The following KDM3A variants were observed in gnomAD, a reference collection of about 807,000 sequenced individuals.
KDM3A encodes the protein lysine-specific demethylase 3A.
A neutral mutation model predicts 158.0 loss-of-function variants in KDM3A; 60 were observed. The observed-to-expected ratio is 0.38, with a 90% CI of 0.31 to 0.47. The LOEUF (loss-of-function observed/expected upper bound fraction) is 0.47, where lower values mean the gene tolerates loss of function less well. Ranked by LOEUF, KDM3A falls within the 20% of genes least tolerant of loss-of-function variation. The pLI, the probability that KDM3A is intolerant of heterozygous loss-of-function variation, is 0.99. For missense variants in KDM3A, 1,319 were observed against 1,574.3 expected (o/e 0.84, Z 2.74); for synonymous variants, 608 against 549.3 (o/e 1.11, Z -1.49).
chr2:86,460,679 C>T (rs1402175651), intron 8 of KDM3A: 1 of 152,192 alleles, frequency 6.6e-6, no homozygotes, highest in Non-Finnish European at 1.5e-5. Flanking sequence ...ACGACGTTGC[C>T]TGGTTAGTTG....
chr2:86,442,147 G>C lies in KDM3A; in HGVS notation c.100G>C (p.Asp34His), dbSNP rs777736062. Residue 34 changes from aspartate (D) to histidine (H), a missense_variant, in exon 2 of 26, where the codon GAC becomes CAC. Around this residue, in one of 4 missense-constraint regions of KDM3A, gnomAD observed 652 missense variants for 627.2 expected, o/e 1.04. Coordinates refer to ENST00000312912, the MANE Select transcript of KDM3A (RefSeq NM_018433.6). ...DGSDGSHDSWDVERVAEWPWL... is the reference protein window; with the variant it reads ...DGSDGSHDSWHVERVAEWPWL... ...CAGCGATGGCAGCCACGACAGCTGG[G>C]ACGTGGAGCGCGTCGCCGAGTGGCC... 1.2e-6 allele frequency: 2 copies of C among 1,614,036 alleles called. No individual in the cohort carries two copies. Among genetic ancestry groups the C allele is most frequent in the African/African-American group, 2.7e-5 (2 of 74,944 alleles).
chr2:86,450,466 A>G (rs950940738), intron 3 of KDM3A, among the ~76,000 whole-genome samples: 2 of 152,152 alleles, frequency 1.3e-5, no homozygotes, highest in African/African-American at 4.8e-5. Flanking sequence ...CTGGATTATT[A>G]TATTTTTTGG....
upstream of KDM3A, among the ~76,000 whole-genome samples, chr2:86,437,723 T>G (rs1682514010): frequency 6.6e-6 from 1 of 152,204 alleles, no homozygotes; most frequent in African/African-American, 2.4e-5. Flanking sequence ...TAGGTTGTGT[T>G]CATTTCATGT....
intron 10 of KDM3A, 57 bp downstream of exon 10, chr2:86,466,940 T>C: frequency 1.5e-6 from 2 of 1,330,636 alleles, no homozygotes; most frequent in Non-Finnish European, 2.0e-6. Flanking sequence ...GATATATATA[T>C]CTCTTTCTTG....
At chr2:86,442,927 G>GA (rs1682797069) in intron 2 of KDM3A, among the ~76,000 whole-genome samples, 1 of 152,096 alleles carries the variant, frequency 6.6e-6, no homozygotes, top group African/African-American at 2.4e-5. Context: ...AGAGAATTGG[G>GA]AACAAGTGCG....
chr2:86,443,594 G>A lies in KDM3A; in HGVS notation c.186+1361G>A, dbSNP rs551526505. The A allele has an allele frequency of 2.0e-5, 3 of 152,258 alleles. No homozygotes were observed. The East Asian group carries it at 5.8e-4, about 29-fold the overall frequency. 9.4% of individuals were successfully genotyped at this position (152,258 alleles called of 1,614,324 possible). ...AACTACTGTGCCTGAGGGACGTTAA[G>A]CATCTTGCCAAGGACACATACGTAG... On this transcript the variant is annotated intron_variant, in intron 2 of 25. Transcript: ENST00000312912.
intron 16 of KDM3A, 74 bp downstream of exon 16, chr2:86,480,436 G>T: frequency 7.8e-7 from 1 of 1,280,426 alleles, no homozygotes; most frequent in Non-Finnish European, 1.1e-6. Context: ...GAGAACAGTG[G>T]TTAGAAGTCG....
intron 1 of KDM3A, among the ~76,000 whole-genome samples, chr2:86,441,731 T>C (rs1682717363): frequency 2.0e-5 from 3 of 150,896 alleles, no homozygotes; most frequent in Admixed American, 2.0e-4. Context: ...CACTTTCAAA[T>C]CCACTCGAGC....
At chr2:86,482,435 CTT>C (rs762169079) in intron 17 of KDM3A, 21 bp from the exon 18 acceptor site, 5 of 1,609,422 alleles carry the variant, frequency 3.1e-6, no homozygotes, top group African/African-American at 1.3e-5. Flanking sequence ...ATATTTGAGA[CTT>C]TTGTTCTTTC....
At chr2:86,448,301 G>T (rs1442597573) in intron 2 of KDM3A, among the ~76,000 whole-genome samples, 3 of 152,090 alleles carry the variant, frequency 2.0e-5, no homozygotes, top group Non-Finnish European at 4.4e-5. Flanking sequence ...TGGGATTGGG[G>T]CTAATGTGGG....
upstream of KDM3A, chr2:86,441,047 C>T (rs1682672763): frequency 6.6e-6 from 1 of 152,346 alleles, no homozygotes; most frequent in Non-Finnish European, 1.5e-5. Flanking sequence ...AGTTGATAAC[C>T]GATTTCGCGG....
At chr2:86,475,408 G>T (rs1673619075) in intron 12 of KDM3A, among the ~76,000 whole-genome samples, 1 of 152,222 alleles carries the variant, frequency 6.6e-6, no homozygotes, top group African/African-American at 2.4e-5. Context: ...CTGGGTCCCA[G>T]ACTTGAGAAT....
chr2:86,474,701 T>TTGTG (rs369518183), intron 11 of KDM3A, 75 bp from the exon 12 acceptor site: 74,849 of 420,188 alleles, frequency 0.18, 4,410 homozygotes, highest in African/African-American at 0.22. Flanking sequence ...TGTAAATAAG[T>TTGTG]TGTGTGTGTG....
At position 86,489,645 on chromosome 2, in the gene KDM3A, G is replaced by C; in HGVS notation, c.3559G>C (p.Glu1187Gln). The C allele has an allele frequency of 6.2e-7, 1 of 1,610,528 alleles. No individual in the cohort carries two copies. The highest frequency in any genetic ancestry group is 8.5e-7 in the Non-Finnish European group (1 of 1,178,874). The change falls in exon 23 of 26, where the codon GAA (glutamate) becomes CAA (glutamine). Residue 1187 changes from glutamate (E) to glutamine (Q), a missense_variant. Physicochemically the swap from Glu to Gln is conservative, Grantham distance 29. This residue lies in a region of KDM3A where 186 missense variants were observed against 340.9 expected (regional missense o/e 0.55). Transcript: ENST00000312912. ...TGCAAAGGACACGGAGAAGATAAGG[G>C]AATTTCTTAAAAAGGTGTGCTGCTT... is the stretch of plus-strand genomic sequence containing the variant. Reference protein sequence around the residue: ...YAAKDTEKIREFLKKVSEEQG... With the variant: ...YAAKDTEKIRQFLKKVSEEQG...
At chr2:86,439,307 C>T (rs1462006286), upstream of KDM3A, among the ~76,000 whole-genome samples, 1 of 151,910 alleles carries the variant, frequency 6.6e-6, no homozygotes, top group Non-Finnish European at 1.5e-5. Flanking sequence ...ATTCATATAA[C>T]ACTAATTAAT....
chr2:86,463,274 G>A (rs903404062), intron 8 of KDM3A, among the ~76,000 whole-genome samples: 2 of 152,192 alleles, frequency 1.3e-5, no homozygotes, highest in East Asian at 1.9e-4. Flanking sequence ...TTAAGCACAT[G>A]TGAGGAGCCT....
intron 8 of KDM3A, chr2:86,460,942 A>G (rs1331525691): frequency 6.6e-6 from 1 of 152,172 alleles, no homozygotes; most frequent in Non-Finnish European, 1.5e-5. Flanking sequence ...ACCTTAGGAA[A>G]GTTGTAGAAG....
At chr2:86,455,953 C>CA (rs574299612) in intron 5 of KDM3A, among the ~76,000 whole-genome samples, 2,539 of 55,410 alleles carry the variant, frequency 0.046, 54 homozygotes, top group African/African-American at 0.094. Context: ...GACCCTGTCT[C>CA]AAAAAAAAAA....
chr2:86,481,812 A>ATTTTT, intron 16 of KDM3A, 118 bp from the exon 17 acceptor site: 2 of 714,774 alleles, frequency 2.8e-6, no homozygotes, highest in South Asian at 1.9e-5. Flanking sequence ...TCCCTAAAGT[A>ATTTTT]TTTTTTTTGT....
Sources: allele counts gnomAD v4.1 joint callset (sites outside exome capture counted in the v4.1 genomes callset), GRCh38; gene constraint gnomAD v4.1.1; regional missense constraint gnomAD v4.1.1; transcripts MANE v1.5; gene names NCBI Gene and HGNC (gene_info 2026-07-23, HGNC 2026-07-21).